Variants in LRRC7 observed in about 807,000 individuals in gnomAD.
LRRC7 encodes the protein leucine-rich repeat-containing protein 7.
A neutral mutation model predicts 175.7 loss-of-function variants in LRRC7; 23 were observed. The ratio of observed to expected loss-of-function variants is 0.13; its 90% CI spans 0.09 to 0.19. The LOEUF is 0.19. Among genes scored for constraint, LRRC7 ranks in the 10% least tolerant of loss-of-function variants. The probability of loss-of-function intolerance (pLI) is 1.00; values close to 1 mark genes in which losing one functional copy is unlikely to be tolerated. For missense variants in LRRC7, 1,354 were observed against 1,904.7 expected, an observed-to-expected ratio of 0.71 and a Z score of 5.38; for synonymous variants, 685 against 680.9, an observed-to-expected ratio of 1.01 and a Z score of -0.09.
chr1:69,825,550 C>A lies in LRRC7; in HGVS notation c.422-198C>A, dbSNP rs1004309758. On this transcript the variant is annotated intron_variant, in intron 4 of 26. Coordinates refer to ENST00000651989, the MANE Select transcript of LRRC7 (RefSeq NM_001370785.2). The stretch of plus-strand genomic sequence containing the variant: ...TATAAAATATTATTTAACATTCAAC[C>A]TTTATTAAAAATTATGTATATATGA... 1.7e-4 allele frequency among the ~76,000 whole-genome samples: 26 copies of A among 151,810 alleles called. 1 individual carries two copies. Among genetic ancestry groups the A allele is most frequent in the African/African-American group, 6.3e-4 (26 of 41,454 alleles).
chr1:69,780,248 A>G (rs1199091806), intron 3 of LRRC7, among the ~76,000 whole-genome samples: 1 of 152,206 alleles, frequency 6.6e-6, no homozygotes, highest in Non-Finnish European at 1.5e-5. Context: ...TAAATTCTCT[A>G]CATCAAGGAA....
intron 4 of LRRC7, among the ~76,000 whole-genome samples, chr1:69,811,031 A>G (rs1466381748): frequency 6.6e-6 from 1 of 152,206 alleles, no homozygotes; most frequent in African/African-American, 2.4e-5. Context: ...CCATCTGACA[A>G]AGGGCTAATA....
chr1:70,048,896 A>G (rs1393864104), intron 22 of LRRC7, among the ~76,000 whole-genome samples: 1 of 152,096 alleles, frequency 6.6e-6, no homozygotes, highest in Non-Finnish European at 1.5e-5. Flanking sequence ...GCAGCCCTAG[A>G]CACAAGCAGG....
At chr1:69,941,746 G>A (rs183455036) in intron 8 of LRRC7, among the ~76,000 whole-genome samples, 7 of 151,872 alleles carry the variant, frequency 4.6e-5, no homozygotes, top group East Asian at 3.9e-4. Flanking sequence ...TCATAAAATC[G>A]TGGAAAATAA....
intron 8 of LRRC7, among the ~76,000 whole-genome samples, chr1:69,957,809 T>G (rs1650656712): frequency 6.6e-6 from 1 of 151,944 alleles, no homozygotes; most frequent in African/African-American, 2.4e-5. Flanking sequence ...AAAAAGAAAT[T>G]TCAGGTTACT....
chr1:69,965,670 A>G (rs1651592214), intron 8 of LRRC7, among the ~76,000 whole-genome samples: 1 of 152,128 alleles, frequency 6.6e-6, no homozygotes, highest in Non-Finnish European at 1.5e-5. Flanking sequence ...TCTGAAATGA[A>G]TTTGAAAAAC....
intron 7 of LRRC7, among the ~76,000 whole-genome samples, chr1:69,920,803 C>CA (rs1646867745): frequency 6.6e-6 from 1 of 152,192 alleles, no homozygotes; most frequent in African/African-American, 2.4e-5. Flanking sequence ...ATTCACTTGA[C>CA]ACACTTAGTT....
intron 1 of LRRC7, among the ~76,000 whole-genome samples, chr1:69,613,089 G>A (rs1649046610): frequency 6.6e-6 from 1 of 152,030 alleles, no homozygotes; most frequent in Admixed American, 6.6e-5. Context: ...GTCTTAGCCA[G>A]TTTGGCCTGC....
At chr1:69,718,005 AAG>A (rs1665809573) in intron 2 of LRRC7, among the ~76,000 whole-genome samples, 2 of 149,290 alleles carry the variant, frequency 1.3e-5, no homozygotes, top group Non-Finnish European at 3.0e-5. Context: ...AAAGAAAGAA[AAG>A]AGAAGCAGAG....
chr1:69,995,773 T>C (rs1654896691), intron 11 of LRRC7, among the ~76,000 whole-genome samples: 1 of 152,080 alleles, frequency 6.6e-6, no homozygotes, highest in African/African-American at 2.4e-5. Flanking sequence ...ATGGTGTATA[T>C]GTGCCACATT....
rs1363135597 is a variant in LRRC7, at chr1:69,891,823, A to G, written c.648-39684A>G. 2.8e-5 allele frequency among the ~76,000 whole-genome samples: 4 copies of G among 141,870 alleles called. No individual in the cohort carries two copies. In the Admixed American group the frequency reaches 3.0e-4, roughly 11 times the overall value. 93.1% of individuals were successfully genotyped at this position (141,870 alleles called of 152,430 possible). A position where few individuals can be genotyped will look rare whatever the true frequency, so the allele number is the denominator to read the frequency against. Reference sequence around the variant, plus strand: ...ATATTACCAAAAGTGATACAAAGACATGAGTGAGCACATGCTGTTGGAAAA... The same window carrying G: ...ATATTACCAAAAGTGATACAAAGACGTGAGTGAGCACATGCTGTTGGAAAA... On this transcript the variant is annotated intron_variant, in intron 7 of 26. Transcript: ENST00000651989.
intron 7 of LRRC7, among the ~76,000 whole-genome samples, chr1:69,870,474 A>T (rs1685414234): frequency 6.6e-6 from 1 of 152,086 alleles, no homozygotes; most frequent in South Asian, 2.1e-4. Context: ...GATTGAATTA[A>T]AAAACAGTGA....
chr1:70,090,769 C>G (rs1275972722), intron 25 of LRRC7, among the ~76,000 whole-genome samples: 1 of 152,076 alleles, frequency 6.6e-6, no homozygotes, highest in Non-Finnish European at 1.5e-5. Flanking sequence ...CTCAACTCAT[C>G]ACAATTATAA....
rs927857622 is a variant in LRRC7, at chr1:70,036,124, T to C, written c.1999T>C (p.Ser667Pro). 2.5e-6 allele frequency: 4 copies of C among 1,607,974 alleles called. No individual in the cohort carries two copies. Among genetic ancestry groups the C allele is most frequent in the Non-Finnish European group, 3.4e-6 (4 of 1,177,100 alleles). Reference sequence around the variant, plus strand: ...CCTGTATTATTATATCTCTCAGGATTCTTTTGTTCATCCAGCTAATGAAAT... The same window carrying C: ...CCTGTATTATTATATCTCTCAGGATCCTTTTGTTCATCCAGCTAATGAAAT... ...VAPKEITVED[S>P]FVHPANEMRI... Residue 667 changes from serine (S) to proline (P), a missense_variant, in exon 19 of 27, where the codon TCT becomes CCT. Coordinates refer to ENST00000651989, the MANE Select transcript of LRRC7 (RefSeq NM_001370785.2).
rs1666232845 is a variant in LRRC7, at chr1:70,121,959, A to G, written c.*72A>G. 1 of 1,095,704 alleles carries G rather than the reference A, an allele frequency of 9.1e-7. No individual in the cohort carries two copies. The highest frequency in any genetic ancestry group is 1.4e-6 in the Non-Finnish European group (1 of 734,120). The allele number at this position is 1,095,704 out of a possible 1,614,324, so 67.9% of individuals were successfully genotyped here. On this transcript the variant is annotated 3_prime_UTR_variant, in exon 27 of 27. Transcript: ENST00000651989. Reference sequence around the variant, plus strand: ...CAAAAATAAATTTATACATAGAAACAAATTTTGCCAATTGCTGGACCAATG... The same window carrying G: ...CAAAAATAAATTTATACATAGAAACGAATTTTGCCAATTGCTGGACCAATG...
chr1:69,950,451 A>G (rs1261876678), intron 8 of LRRC7, among the ~76,000 whole-genome samples: 3 of 152,184 alleles, frequency 2.0e-5, no homozygotes, highest in Non-Finnish European at 2.9e-5. Context: ...GGGAGGCAAG[A>G]GTAGAAAATT....
intron 6 of LRRC7, among the ~76,000 whole-genome samples, chr1:69,835,940 T>C (rs1179540327): frequency 6.6e-6 from 1 of 152,068 alleles, no homozygotes; most frequent in African/African-American, 2.4e-5. Context: ...ATAATTTTTC[T>C]TGTCATCTTG....
intron 7 of LRRC7, among the ~76,000 whole-genome samples, chr1:69,884,784 C>T (rs574695521): frequency 2.7e-5 from 4 of 146,690 alleles, no homozygotes; most frequent in South Asian, 4.3e-4. Context: ...TTTTGAAATA[C>T]GTCCCATCAA....
At chr1:69,886,706 C>T (rs1645633589) in intron 7 of LRRC7, among the ~76,000 whole-genome samples, 1 of 149,062 alleles carries the variant, frequency 6.7e-6, no homozygotes, top group South Asian at 2.2e-4. Flanking sequence ...CAGTTTCTTC[C>T]TAGTCTCGAT....
Sources: allele counts gnomAD v4.1 joint callset (sites outside exome capture counted in the v4.1 genomes callset), GRCh38; gene constraint gnomAD v4.1.1; transcripts MANE v1.5; gene names NCBI Gene and HGNC (gene_info 2026-07-23, HGNC 2026-07-21).